Variants in IRAK3 observed in about 807,000 individuals in gnomAD.
IRAK3 encodes the protein interleukin-1 receptor-associated kinase 3.
IRAK3 carries 57 observed loss-of-function variants against 56.6 expected under a neutral mutation model. That is an observed-to-expected ratio of 1.01 (90% CI 0.81 to 1.26). The LOEUF is 1.26. Ranked by LOEUF, IRAK3 falls within the 50% of genes most tolerant of loss-of-function variation. The pLI is 0.00. For synonymous variants in IRAK3, 258 were observed against 255.7 expected, an observed-to-expected ratio of 1.01 and a Z score of -0.09; for missense variants, 703 against 719.0, an observed-to-expected ratio of 0.98 and a Z score of 0.25.
At chr12:66,208,313 T>C (rs1389572481) in intron 2 of IRAK3, among the ~76,000 whole-genome samples, 2 of 145,896 alleles carry the variant, frequency 1.4e-5, no homozygotes, top group Non-Finnish European at 1.5e-5. Context: ...GTGGTAAGTA[T>C]TTGTCATTGA....
At position 66,202,021 on chromosome 12, in the gene IRAK3, TG is replaced by T. The variant is rs2052512721; in HGVS notation, c.134-1687del. Among the ~76,000 whole-genome samples, 4 of 152,244 alleles carry T rather than the reference TG, an allele frequency of 2.6e-5. No homozygotes were observed. The South Asian group carries it at 6.2e-4, about 24-fold the overall frequency. On this transcript the variant is annotated intron_variant, in intron 1 of 11. Coordinates refer to ENST00000261233, the MANE Select transcript of IRAK3 (RefSeq NM_007199.3). The stretch of plus-strand genomic sequence containing the variant: ...TGCTAATGTGTGTCTCACAGGGGTA[TG>T]GGTTGGCAATTCTGAAAGCACTTTA...
At chr12:66,203,637 A>G (rs2052529277) in intron 1 of IRAK3, 74 bp from the exon 2 acceptor site, 1 of 1,287,592 alleles carries the variant, frequency 7.8e-7, no homozygotes, top group East Asian at 2.4e-5. Flanking sequence ...GAAATAAAAC[A>G]TTAGGTACAC....
intron 8 of IRAK3, among the ~76,000 whole-genome samples, chr12:66,233,480 T>C (rs1239543836): frequency 6.7e-6 from 1 of 149,354 alleles, no homozygotes; most frequent in East Asian, 2.0e-4. Flanking sequence ...ATCGCACCAC[T>C]GCACTCCAGC....
intron 11 of IRAK3, among the ~76,000 whole-genome samples, chr12:66,246,780 A>C (rs1422723493): frequency 6.6e-6 from 1 of 152,138 alleles, no homozygotes; most frequent in East Asian, 1.9e-4. Flanking sequence ...GTATTTTTTT[A>C]ATTACGTGTG....
intron 1 of IRAK3, among the ~76,000 whole-genome samples, chr12:66,194,523 C>T (rs139119854): frequency 4.6e-5 from 7 of 152,184 alleles, no homozygotes; most frequent in East Asian, 3.9e-4. Flanking sequence ...GTGCTTTCTC[C>T]GCTCTAGAAC....
At chr12:66,201,070 G>A (rs2052503095) in intron 1 of IRAK3, among the ~76,000 whole-genome samples, 1 of 152,166 alleles carries the variant, frequency 6.6e-6, no homozygotes, top group South Asian at 2.1e-4. Context: ...TCCCGCCTTG[G>A]CCTCTCAAAG....
chr12:66,211,244 G>T (rs900864302), intron 4 of IRAK3, among the ~76,000 whole-genome samples: 1 of 152,184 alleles, frequency 6.6e-6, no homozygotes, highest in African/African-American at 2.4e-5. Flanking sequence ...GCTGTCCGAA[G>T]AAACCCTTTG....
chr12:66,206,971 G>A (rs1152884), intron 2 of IRAK3, among the ~76,000 whole-genome samples: 20,125 of 152,040 alleles, frequency 0.13, 2,229 homozygotes, highest in East Asian at 0.4. Context: ...TGTCATCTAA[G>A]TTATCTAGTT....
At chr12:66,243,360 G>A (rs997256117) in intron 8 of IRAK3, among the ~76,000 whole-genome samples, 6 of 152,184 alleles carry the variant, frequency 3.9e-5, no homozygotes, top group African/African-American at 7.2e-5. Flanking sequence ...TTGATATCCC[G>A]TGGCTGTTGC....
chr12:66,235,503 G>A (rs2052897714), intron 8 of IRAK3, among the ~76,000 whole-genome samples: 2 of 151,956 alleles, frequency 1.3e-5, no homozygotes, highest in South Asian at 2.1e-4. Flanking sequence ...GGCGCGGGGC[G>A]AGACTCGAGC....
intron 6 of IRAK3, among the ~76,000 whole-genome samples, chr12:66,219,642 G>A (rs944610765): frequency 1.3e-5 from 2 of 152,144 alleles, no homozygotes; most frequent in Non-Finnish European, 2.9e-5. Context: ...CCTCCATTAT[G>A]GCTGTACCAC....
rs2053132778 is a variant in IRAK3 at position 66,254,333 on chromosome 12, A to C, written c.*6162A>C. The C allele has an allele frequency of 6.6e-6, 1 of 152,180 alleles. No individual in the cohort carries two copies. The highest frequency in any genetic ancestry group is 2.4e-5 in the African/African-American group (1 of 41,450). 9.4% of individuals were successfully genotyped at this position (152,180 alleles called of 1,614,324 possible). On this transcript the variant is annotated 3_prime_UTR_variant, in exon 12 of 12. Coordinates refer to ENST00000261233, the MANE Select transcript of IRAK3 (RefSeq NM_007199.3). The stretch of plus-strand genomic sequence containing the variant: ...ATAAATTCCATGCAGTTGTCATTTA[A>C]AAATATTTAGATATATGTTTATTGC...
intron 8 of IRAK3, among the ~76,000 whole-genome samples, chr12:66,242,419 G>T (rs149628351): frequency 6.6e-6 from 1 of 152,116 alleles, no homozygotes; most frequent in Non-Finnish European, 1.5e-5. Flanking sequence ...GAGAGAAGTC[G>T]GATCTGACTC....
intron 11 of IRAK3, among the ~76,000 whole-genome samples, chr12:66,245,584 C>A (rs1451523924): frequency 7.5e-5 from 1 of 13,326 alleles, no homozygotes; most frequent in East Asian, 0.018. Flanking sequence ...GCTGCCCAGG[C>A]TGGAGTGCAG....
intron 1 of IRAK3, among the ~76,000 whole-genome samples, chr12:66,199,646 C>G (rs890818995): frequency 1.2e-4 from 19 of 152,180 alleles, no homozygotes; most frequent in African/African-American, 4.6e-4. Flanking sequence ...TGTCTTCATG[C>G]TCAAACCACA....
intron 8 of IRAK3, chr12:66,234,715 T>G (rs2052883957): frequency 6.2e-7 from 1 of 1,602,586 alleles, no homozygotes; most frequent in African/African-American, 1.3e-5. Context: ...CAGCTTCACA[T>G]TTTTCTGTTG....
At chr12:66,217,530 A>C (rs550148849) in intron 6 of IRAK3, among the ~76,000 whole-genome samples, 126 of 152,234 alleles carry the variant, frequency 8.3e-4, no homozygotes, top group Non-Finnish European at 1.3e-3. Context: ...AGAGTGGTCT[A>C]TATTTCACCA....
chr12:66,229,086 G>C (rs1196451319), intron 8 of IRAK3, among the ~76,000 whole-genome samples: 2 of 152,032 alleles, frequency 1.3e-5, no homozygotes, highest in African/African-American at 2.4e-5. Flanking sequence ...AACTTAAATG[G>C]GGATTCCTAG....
intron 8 of IRAK3, among the ~76,000 whole-genome samples, chr12:66,241,811 A>T (rs1306013165): frequency 6.6e-6 from 1 of 152,190 alleles, no homozygotes; most frequent in African/African-American, 2.4e-5. Flanking sequence ...TTATGGTGTA[A>T]GCATTGTTTG....
Sources: gnomAD v4.1 joint callset for allele counts (sites outside exome capture counted in the v4.1 genomes callset) on GRCh38, gnomAD v4.1.1 for gene constraint, MANE v1.5 for transcripts, NCBI Gene and HGNC (gene_info 2026-07-23, HGNC 2026-07-21) for gene names.